The following PDE1A variants were observed in gnomAD, a reference collection of about 807,000 sequenced individuals.
PDE1A encodes dual specificity calcium/calmodulin-dependent 3',5'-cyclic nucleotide phosphodiesterase 1A.
In PDE1A, 35 loss-of-function variants were observed where a neutral mutation model predicts 61.7. The observed-to-expected ratio is 0.57, with a 90% CI of 0.43 to 0.75. The LOEUF is 0.75. PDE1A is among the 30% of genes least tolerant of loss of function. The probability of loss-of-function intolerance (pLI) is 0.00; values close to 1 mark genes in which losing one functional copy is unlikely to be tolerated. For missense variants in PDE1A, 597 were observed against 630.6 expected (o/e 0.95, Z 0.57); for synonymous variants, 232 against 213.2 (o/e 1.09, Z -0.77).
At chr2:182,714,215 C>A in the PDE1A span, among the ~76,000 whole-genome samples, 2 of 152,182 alleles carry the variant, frequency 1.3e-5, no homozygotes, top group Non-Finnish European at 2.9e-5. Context: ...CAAAAATCCA[C>A]CTTCATGAAG....
intron 2 of PDE1A, among the ~76,000 whole-genome samples, chr2:182,439,015 A>G (rs1410742189): frequency 6.6e-6 from 1 of 152,010 alleles, no homozygotes; most frequent in Non-Finnish European, 1.5e-5. Context: ...AGTGTATTCA[A>G]GAGATATTAA....
intron 1 of PDE1A, among the ~76,000 whole-genome samples, chr2:182,342,135 T>C (rs760291562): frequency 9.9e-5 from 15 of 152,234 alleles, no homozygotes; most frequent in Non-Finnish European, 8.8e-5. Context: ...AAATTTTGTG[T>C]TAAATGTTCA....
chr2:182,483,996 A>G (rs1241122247), intron 2 of PDE1A, among the ~76,000 whole-genome samples: 2 of 151,908 alleles, frequency 1.3e-5, no homozygotes, highest in African/African-American at 4.8e-5. Context: ...ATGCCAAAAA[A>G]TTGGACAACT....
upstream of PDE1A, among the ~76,000 whole-genome samples, chr2:182,527,322 AAAAAAATATATATATAT>A (rs1690789147): frequency 4.7e-5 from 2 of 42,170 alleles, no homozygotes; most frequent in South Asian, 1.1e-3. Context: ...AAAAAAAAAA[AAAAAAATATATATATAT>A]ATATATATAT....
the PDE1A span, among the ~76,000 whole-genome samples, chr2:182,547,064 A>G: frequency 1.1e-3 from 160 of 152,326 alleles, no homozygotes; most frequent in African/African-American, 3.6e-3. Flanking sequence ...CTCACTTTAC[A>G]ATTTTTTAAA....
At chr2:182,253,293 T>G (rs1691537713) in intron 2 of PDE1A, among the ~76,000 whole-genome samples, 1 of 152,180 alleles carries the variant, frequency 6.6e-6, no homozygotes, top group Admixed American at 6.5e-5. Context: ...ATGTAGAAAT[T>G]GATTGATTTC....
chr2:182,606,873 C>T, the PDE1A span, among the ~76,000 whole-genome samples: 47 of 152,236 alleles, frequency 3.1e-4, 3 homozygotes, highest in South Asian at 9.8e-3. Context: ...CACCAAAATG[C>T]CAGGGGTTCA....
intron 1 of PDE1A, among the ~76,000 whole-genome samples, chr2:182,286,237 T>C (rs1279940682): frequency 6.6e-6 from 1 of 152,138 alleles, no homozygotes; most frequent in Non-Finnish European, 1.5e-5. Flanking sequence ...TCCTCTGATA[T>C]CTAACATTGT....
At chr2:182,486,540 A>G (rs1013883935) in intron 2 of PDE1A, among the ~76,000 whole-genome samples, 4 of 152,114 alleles carry the variant, frequency 2.6e-5, no homozygotes, top group Admixed American at 6.6e-5. Flanking sequence ...TTGAAGTTAC[A>G]AACTTACTAT....
At chr2:182,207,433 G>A (rs1203292490) in intron 7 of PDE1A, among the ~76,000 whole-genome samples, 2 of 152,172 alleles carry the variant, frequency 1.3e-5, no homozygotes, top group Non-Finnish European at 2.9e-5. Flanking sequence ...GATGATTTAG[G>A]GTATCCGGTG....
intron 2 of PDE1A, among the ~76,000 whole-genome samples, chr2:182,245,495 A>C (rs1448987279): frequency 6.6e-6 from 1 of 152,066 alleles, no homozygotes; most frequent in Non-Finnish European, 1.5e-5. Flanking sequence ...CCTATACTTC[A>C]TCTATTCAAC....
At chr2:182,161,012 G>C (rs538302105) in intron 13 of PDE1A, among the ~76,000 whole-genome samples, 22 of 152,276 alleles carry the variant, frequency 1.4e-4, no homozygotes, top group Middle Eastern at 3.4e-3. Flanking sequence ...ACTTTCAGGA[G>C]GTAAGGAGTT....
At chr2:182,205,983 C>T in exon 8 of PDE1A, 1 of 1,611,356 alleles carries the variant, frequency 6.2e-7, no homozygotes, top group South Asian at 1.1e-5. Flanking sequence ...TTCATTTCTT[C>T]TTCTTGCATA....
intron 2 of PDE1A, among the ~76,000 whole-genome samples, chr2:182,505,147 C>T (rs1559522633): frequency 6.6e-6 from 1 of 152,198 alleles, no homozygotes. Context: ...TGCAAGGCCA[C>T]ATGAGGCCAG....
chr2:182,472,045 A>G (rs1687060165), intron 2 of PDE1A, among the ~76,000 whole-genome samples: 1 of 151,926 alleles, frequency 6.6e-6, no homozygotes, highest in South Asian at 2.1e-4. Context: ...CTAATATTAA[A>G]AAGACAAAAA....
chr2:182,163,422 C>G (rs1384274363), downstream of PDE1A, among the ~76,000 whole-genome samples: 6 of 152,164 alleles, frequency 3.9e-5, no homozygotes, highest in African/African-American at 1.4e-4. Flanking sequence ...TTCCCTTCCA[C>G]AAGCTATCAC....
At chr2:182,671,755 T>G in the PDE1A span, among the ~76,000 whole-genome samples, 6 of 150,548 alleles carry the variant, frequency 4.0e-5, no homozygotes, top group African/African-American at 1.5e-4. Context: ...AAGTAGCTGG[T>G]ACTACAGGCA....
Position 182,390,268 on chromosome 2 carries a change from C to T in PDE1A, c.53+36310G>A, listed in dbSNP as rs184145661. On this transcript the variant is annotated intron_variant, in intron 1 of 13. Transcript: ENST00000351439. Reference sequence around the variant, plus strand: ...GTTTTGGGGTTTCTGGAGTTGGCTTCTTAATCTGATTAAACCCCAAAATAC... The same window carrying T: ...GTTTTGGGGTTTCTGGAGTTGGCTTTTTAATCTGATTAAACCCCAAAATAC... Among the ~76,000 whole-genome samples the T allele has an allele frequency of 4.4e-3, 673 of 152,206 alleles. 3 individuals are homozygous for T. Among genetic ancestry groups the T allele is most frequent in the South Asian group, 0.013 (61 of 4,820 alleles).
At chr2:182,376,214 T>C (rs1700394273) in intron 1 of PDE1A, among the ~76,000 whole-genome samples, 1 of 152,376 alleles carries the variant, frequency 6.6e-6, no homozygotes, top group African/African-American at 2.4e-5. Context: ...TTCCTTCCTA[T>C]TGCATTGTTA....
Sources: gnomAD v4.1 joint callset for allele counts (sites outside exome capture counted in the v4.1 genomes callset) on GRCh38, gnomAD v4.1.1 for gene constraint, MANE v1.5 for transcripts, NCBI Gene and HGNC (gene_info 2026-07-23, HGNC 2026-07-21) for gene names.